SLC25A48: variants seen among roughly 807,000 people sequenced by gnomAD.
The protein encoded by SLC25A48 is solute carrier family 25 member 48.
In SLC25A48, 29 loss-of-function variants were observed where a neutral mutation model predicts 32.2. The ratio of observed to expected loss-of-function variants is 0.90; its 90% confidence interval spans 0.67 to 1.23. The LOEUF is 1.23. Ranked by LOEUF, SLC25A48 falls within the 50% of genes most tolerant of loss-of-function variation. The pLI is 0.00. For missense variants in SLC25A48, 399 were observed against 422.7 expected, an observed-to-expected ratio of 0.94 and a Z score of 0.49; for synonymous variants, 164 against 172.3, an observed-to-expected ratio of 0.95 and a Z score of 0.38.
At chr5:135,785,764 G>GC (rs1756828045) in intron 3 of SLC25A48, among the ~76,000 whole-genome samples, 1 of 146,116 alleles carries the variant, frequency 6.8e-6, no homozygotes, top group African/African-American at 2.6e-5. Context: ...GAAACATCCC[G>GC]CTTGCCCCAT....
intron 1 of SLC25A48, among the ~76,000 whole-genome samples, chr5:135,597,380 T>C (rs1224650388): frequency 6.6e-6 from 1 of 152,150 alleles, no homozygotes; most frequent in Admixed American, 6.5e-5. Context: ...CCCTCCAGGT[T>C]AGGGCTACCT....
chr5:135,651,192 T>C (rs1753102322), intron 3 of SLC25A48, among the ~76,000 whole-genome samples: 1 of 152,180 alleles, frequency 6.6e-6, no homozygotes, highest in Admixed American at 6.5e-5. Context: ...TGAGAGCATG[T>C]AGTTTCTGCT....
chr5:135,633,353 A>G (rs759919500), intron 2 of SLC25A48, among the ~76,000 whole-genome samples: 8 of 151,958 alleles, frequency 5.3e-5, no homozygotes, highest in Non-Finnish European at 1.0e-4. Context: ...GTATTTGGAG[A>G]TAGGGCTTTC....
chr5:135,642,865 A>G (rs892881890), intron 3 of SLC25A48, among the ~76,000 whole-genome samples: 2 of 152,208 alleles, frequency 1.3e-5, no homozygotes, highest in Non-Finnish European at 2.9e-5. Context: ...CTTGCTCAAG[A>G]GTAGAGAGAA....
intron 1 of SLC25A48, among the ~76,000 whole-genome samples, chr5:135,611,860 A>T (rs1752080363): frequency 6.6e-6 from 1 of 152,262 alleles, no homozygotes; most frequent in Admixed American, 6.5e-5. Flanking sequence ...ATATGATTTC[A>T]TGCAATAAGG....
At chr5:135,792,251 T>A (rs1284744404) in intron 3 of SLC25A48, among the ~76,000 whole-genome samples, 1 of 151,836 alleles carries the variant, frequency 6.6e-6, no homozygotes, top group East Asian at 1.9e-4. Context: ...TCTCACGGGT[T>A]CTATAGCATG....
intron 3 of SLC25A48, among the ~76,000 whole-genome samples, chr5:135,798,779 C>A (rs1336941753): frequency 6.6e-6 from 1 of 151,486 alleles, no homozygotes; most frequent in Non-Finnish European, 1.5e-5. Context: ...AGGTGTACAT[C>A]CCTCACACAT....
intron 4 of SLC25A48, among the ~76,000 whole-genome samples, chr5:135,854,081 A>C (rs1033751571): frequency 3.3e-5 from 5 of 152,216 alleles, no homozygotes; most frequent in African/African-American, 1.2e-4. Context: ...AGTAGGTCTC[A>C]ACAGCGGACC....
chr5:135,681,037 G>A (rs1753885217), intron 3 of SLC25A48, among the ~76,000 whole-genome samples: 1 of 151,962 alleles, frequency 6.6e-6, no homozygotes, highest in South Asian at 2.1e-4. Context: ...CAAGGATAGA[G>A]TGCAATTGCA....
At position 135,807,208 on chromosome 5, in the gene SLC25A48, A is replaced by G. The variant is rs2126648023; in HGVS notation, c.-520-5315A>G. ...TATTTTATTCATATCATAGTGTGTC[A>G]CCACTAGATATTATAAATATCATGG... On this transcript the variant is annotated intron_variant, in intron 3 of 10. Coordinates refer to the SLC25A48 transcript ENST00000646290. 2.0e-5 allele frequency among the ~76,000 whole-genome samples: 3 copies of G among 150,858 alleles called. No individual in the cohort carries two copies. In the South Asian group the frequency reaches 6.3e-4, roughly 32 times the overall value.
At chr5:135,637,533 T>C (rs1752733594) in intron 3 of SLC25A48, among the ~76,000 whole-genome samples, 2 of 152,190 alleles carry the variant, frequency 1.3e-5, no homozygotes, top group East Asian at 1.9e-4. Context: ...CCTAACTCCT[T>C]AGTGTTTTCA....
At chr5:135,702,826 G>A (rs150828609) in intron 3 of SLC25A48, among the ~76,000 whole-genome samples, 20 of 152,360 alleles carry the variant, frequency 1.3e-4, no homozygotes, top group African/African-American at 4.1e-4. Context: ...TTAGCGTGGC[G>A]TGGAGCTGGG....
intron 5 of SLC25A48, 33 bp from the exon 6 acceptor site, chr5:135,873,988 T>C: frequency 6.6e-7 from 1 of 1,517,338 alleles, no homozygotes; most frequent in South Asian, 1.2e-5. Flanking sequence ...CCTAAGGAGC[T>C]AGCCCCTGAC....
intron 3 of SLC25A48, among the ~76,000 whole-genome samples, chr5:135,851,490 T>C (rs961622282): frequency 7.9e-5 from 12 of 152,316 alleles, no homozygotes; most frequent in South Asian, 2.1e-4. Context: ...CTCTGAGACA[T>C]AGCAGCCCAT....
At chr5:135,617,648 A>T (rs1452434903) in intron 1 of SLC25A48, among the ~76,000 whole-genome samples, 1 of 151,198 alleles carries the variant, frequency 6.6e-6, no homozygotes, top group South Asian at 2.1e-4. Context: ...AGTATGTTGT[A>T]TTTTGACTTT....
At chr5:135,716,035 A>G (rs138260477) in intron 3 of SLC25A48, among the ~76,000 whole-genome samples, 72 of 152,352 alleles carry the variant, frequency 4.7e-4, no homozygotes, top group African/African-American at 1.6e-3. Context: ...CCAGAAGTGC[A>G]GTTTCCAAGG....
At chr5:135,682,911 T>A (rs1455703010) in intron 3 of SLC25A48, among the ~76,000 whole-genome samples, 1 of 152,230 alleles carries the variant, frequency 6.6e-6, no homozygotes, top group Non-Finnish European at 1.5e-5. Context: ...TTATTGTTAT[T>A]ATGATTATTA....
At chr5:135,736,470 G>T (rs528101284) in intron 3 of SLC25A48, among the ~76,000 whole-genome samples, 1 of 152,126 alleles carries the variant, frequency 6.6e-6, no homozygotes, top group Non-Finnish European at 1.5e-5. Context: ...AGGGAGGAAT[G>T]GAGGGTGGTA....
At chr5:135,671,660 G>C (rs1453153451) in intron 3 of SLC25A48, 1 of 152,194 alleles carries the variant, frequency 6.6e-6, no homozygotes, top group African/African-American at 2.4e-5. Context: ...AGGGAGGTCA[G>C]CAGCCTATGG....
Sources: allele counts gnomAD v4.1 joint callset (sites outside exome capture counted in the v4.1 genomes callset), GRCh38; gene constraint gnomAD v4.1.1; transcripts MANE v1.5; gene names NCBI Gene and HGNC (gene_info 2026-07-23, HGNC 2026-07-21).